Variants in LAMP2 observed in about 807,000 individuals in gnomAD.
LAMP2 encodes the protein lysosome associated membrane protein 2.
Under a neutral mutation model 25.6 loss-of-function variants are expected in LAMP2, and 4 were observed. The ratio of observed to expected loss-of-function variants is 0.16; its 90% CI spans 0.08 to 0.36. LAMP2 has a LOEUF of 0.36. LAMP2 is among the 10% of genes least tolerant of loss of function. The pLI, the probability that LAMP2 is intolerant of heterozygous loss-of-function variation, is 1.00. For missense variants in LAMP2, 272 were observed against 301.4 expected (o/e 0.90, Z 0.72); for synonymous variants, 108 against 112.7 (o/e 0.96, Z 0.27).
intron 8 of LAMP2, chrX:120,436,583 T>C: frequency 1.3e-6 from 1 of 741,509 alleles, no homozygotes; most frequent in Non-Finnish European, 1.6e-6. Context: ...ATACATCAAC[T>C]AGTGGTTTAA....
chrX:120,430,992 T>C lies in LAMP2; in HGVS notation c.*331A>G. On this transcript the variant is annotated 3_prime_UTR_variant, in exon 9 of 9. Transcript: ENST00000200639. ...TAAGACACAACTACATATTTTATTC[T>C]TATAATGGCCATGTTAATAAGTTCA... 1.2e-6 allele frequency: 1 copy of C among 855,060 alleles called. No individual in the cohort carries two copies. The highest frequency in any genetic ancestry group is 1.4e-6 in the Non-Finnish European group (1 of 700,254). The allele number at this position is 855,060 out of a possible 1,213,427, so 70.5% of individuals were successfully genotyped here. A position where few individuals can be genotyped will look rare whatever the true frequency, so the allele number is the denominator to read the frequency against.
rs759875640 is a variant in LAMP2 at position 120,438,464 on chromosome X, T to A, written c.1093+3266A>T. On this transcript the variant is annotated intron_variant, in intron 8 of 8. Transcript: ENST00000200639. ...AAAAGATTGAAATATCCAGTTTTTT[T>A]AAAAAAAAGATTAAACAATAAGATT... The A allele has an allele frequency of 3.4e-4, 251 of 731,198 alleles. No individual in the cohort carries two copies. The African/African-American group carries it at 4.1e-3, about 12-fold the overall frequency. The allele number at this position is 731,198 out of a possible 1,213,427, so 60.3% of individuals were successfully genotyped here.
Position 120,464,635 on chromosome X carries a change from C to T in LAMP2, c.64+4471G>A, listed in dbSNP as rs183744313. Among the ~76,000 whole-genome samples, 11 of 112,209 alleles carry T rather than the reference C, an allele frequency of 9.8e-5. No individual in the cohort carries two copies. The East Asian group carries it at 2.5e-3, about 26-fold the overall frequency. Reference sequence around the variant, plus strand: ...CCCAGGTCTCTGCCCAAATGTCACCCGATAACGGAAGGCCCTCTGACCACA... The same window carrying T: ...CCCAGGTCTCTGCCCAAATGTCACCTGATAACGGAAGGCCCTCTGACCACA... On this transcript the variant is annotated intron_variant, in intron 1 of 8. Transcript: ENST00000200639.
rs2058514050 is a variant in LAMP2 at position 120,429,486 on chromosome X, A to G, written c.*1837T>C. The G allele has an allele frequency of 4.2e-6, 3 of 710,144 alleles. No homozygotes were observed. Among genetic ancestry groups the G allele is most frequent in the Non-Finnish European group, 5.0e-6 (3 of 600,812 alleles). The allele number at this position is 710,144 out of a possible 1,213,427, so 58.5% of individuals were successfully genotyped here. On this transcript the variant is annotated 3_prime_UTR_variant, in exon 9 of 9. Transcript: ENST00000200639. ...GCATCTGATACACATCAAGAGGTCA[A>G]CAAGTATTCATTCTCTTCTCTTTTC...
chrX:120,434,312 TATTCTC>T (rs2058533925), intron 8 of LAMP2, among the ~76,000 whole-genome samples: 1 of 112,214 alleles, frequency 8.9e-6, no homozygotes, highest in Non-Finnish European at 1.9e-5. Context: ...GTAAGACAAA[TATTCTC>T]AGAGTAGCTC....
chrX:120,464,068 C>T (rs192420633), intron 1 of LAMP2, among the ~76,000 whole-genome samples: 1 of 110,789 alleles, frequency 9.0e-6, no homozygotes, highest in Non-Finnish European at 1.9e-5. Flanking sequence ...CTTGTTTTCT[C>T]TCAGAGAAAA....
chrX:120,439,438 C>A, intron 8 of LAMP2: 1 of 542,970 alleles, frequency 1.8e-6, no homozygotes, highest in Non-Finnish European at 3.1e-6. Flanking sequence ...TATGATAAAG[C>A]TATAGAAAAT....
Position 120,429,128 on chromosome X carries a change from ATG to A in LAMP2, c.*2193_*2194del, listed in dbSNP as rs1207970317. On this transcript the variant is annotated 3_prime_UTR_variant, in exon 9 of 9. Coordinates refer to ENST00000200639, the MANE Select transcript of LAMP2 (RefSeq NM_002294.3). ...TATATATATGTATATGTGTATATAT[ATG>A]TGTGTGTGTATATATATGTGTGTGT... 4.7e-4 allele frequency: 304 copies of A among 647,474 alleles called. 1 individual carries two copies. The highest frequency in any genetic ancestry group is 5.2e-4 in the Non-Finnish European group (286 of 547,369). 53.4% of individuals were successfully genotyped at this position (647,474 alleles called of 1,213,427 possible). A position where few individuals can be genotyped will look rare whatever the true frequency, so the allele number is the denominator to read the frequency against.
In LAMP2 at chrX:120,429,530, C is replaced by G. The variant is rs1037293345; in HGVS notation, c.*1793G>C. On this transcript the variant is annotated 3_prime_UTR_variant, in exon 9 of 9. Transcript: ENST00000200639. ...TCTTTTCCTCTTATGCTCATGATCCCATCTGAGGAGGATTAGGTTTTGAAG... is the reference window on the plus strand; with the variant it reads ...TCTTTTCCTCTTATGCTCATGATCCGATCTGAGGAGGATTAGGTTTTGAAG... The G allele has an allele frequency of 9.4e-6, 7 of 747,806 alleles. No homozygotes were observed. Among genetic ancestry groups the G allele is most frequent in the African/African-American group, 4.7e-5 (2 of 42,633 alleles). The allele number at this position is 747,806 out of a possible 1,213,427, so 61.6% of individuals were successfully genotyped here. A position where few individuals can be genotyped will look rare whatever the true frequency, so the allele number is the denominator to read the frequency against.
At chrX:120,436,366 A>G in intron 8 of LAMP2, 4 of 306,637 alleles carry the variant, frequency 1.3e-5, no homozygotes, top group Non-Finnish European at 1.7e-5. Context: ...CAGACAGAAC[A>G]TCAGAACATT....
intron 1 of LAMP2, among the ~76,000 whole-genome samples, chrX:120,460,479 T>C (rs1300313742): frequency 2.7e-5 from 3 of 111,910 alleles, no homozygotes; most frequent in African/African-American, 9.7e-5. Flanking sequence ...GGGTAACCAT[T>C]ATCCTGATTT....
In LAMP2 at chrX:120,429,102, GTA is replaced by G. The variant is rs1170442571; in HGVS notation, c.*2219_*2220del. ...TATATATGTGTGTGTATATATATGT[GTA>G]TATATATGTATATGTGTATATATAT... On this transcript the variant is annotated 3_prime_UTR_variant, in exon 9 of 9. Transcript: ENST00000200639. 8.1e-6 allele frequency: 4 copies of G among 494,858 alleles called. No individual in the cohort carries two copies. The highest frequency in any genetic ancestry group is 9.5e-5 in the Admixed American group (1 of 10,504). 40.8% of individuals were successfully genotyped at this position (494,858 alleles called of 1,213,427 possible).
At chrX:120,436,753 T>C (rs747875916) in intron 8 of LAMP2, 4 of 705,502 alleles carry the variant, frequency 5.7e-6, no homozygotes, top group Non-Finnish European at 6.7e-6. Flanking sequence ...CATGTAGCTA[T>C]AGGAAATAAT....
At chrX:120,444,389 C>T (rs1442590685) in intron 6 of LAMP2, among the ~76,000 whole-genome samples, 2 of 111,799 alleles carry the variant, frequency 1.8e-5, no homozygotes, top group Non-Finnish European at 3.8e-5. Flanking sequence ...TTTCACTAAA[C>T]ATATAACACT....
intron 4 of LAMP2, 150 bp from the exon 5 acceptor site, chrX:120,448,175 A>G (rs2058606592): frequency 1.9e-6 from 1 of 515,753 alleles, no homozygotes; most frequent in South Asian, 2.8e-5. Flanking sequence ...TTGAAACTAA[A>G]TTAGGCAGAG....
chrX:120,452,330 C>A (rs931512070), intron 3 of LAMP2, among the ~76,000 whole-genome samples: 1 of 110,866 alleles, frequency 9.0e-6, no homozygotes, highest in Non-Finnish European at 1.9e-5. Context: ...TCTCCAATTA[C>A]TGCCGCATAT....
At chrX:120,455,685 C>T in intron 2 of LAMP2, 115 bp from the exon 3 acceptor site, 1 of 582,938 alleles carries the variant, frequency 1.7e-6, no homozygotes, top group South Asian at 2.7e-5. Flanking sequence ...GCCAGGTTGC[C>T]CTTTGCCTGG....
intron 1 of LAMP2, among the ~76,000 whole-genome samples, chrX:120,458,391 T>C (rs1156670820): frequency 8.9e-6 from 1 of 112,062 alleles, no homozygotes; most frequent in Admixed American, 9.5e-5. Flanking sequence ...CTTGCATCAA[T>C]GTGTCTTAGG....
chrX:120,456,881 G>A lies in LAMP2; in HGVS notation c.65-112C>T, dbSNP rs994754872. On this transcript the variant is annotated intron_variant, in intron 1 of 8. Coordinates refer to ENST00000200639, the MANE Select transcript of LAMP2 (RefSeq NM_002294.3). ...CAACCAGCTCTAAAATGAAACAAAA[G>A]TATTTTATATCTATATATACACATA... The A allele has an allele frequency of 2.3e-5, 10 of 433,085 alleles. No homozygotes were observed. The Admixed American group carries it at 3.9e-4, about 17-fold the overall frequency. 35.7% of individuals were successfully genotyped at this position (433,085 alleles called of 1,213,427 possible). A position where few individuals can be genotyped will look rare whatever the true frequency, so the allele number is the denominator to read the frequency against.
Sources: gnomAD v4.1 joint callset for allele counts (sites outside exome capture counted in the v4.1 genomes callset) on GRCh38, gnomAD v4.1.1 for gene constraint, MANE v1.5 for transcripts, NCBI Gene and HGNC (gene_info 2026-07-23, HGNC 2026-07-21) for gene names.